Variants in HCRTR2 observed in about 807,000 individuals in gnomAD.
HCRTR2 encodes hypocretin receptor 2.
HCRTR2 carries 22 observed loss-of-function variants against 49.0 expected under a neutral mutation model. That is an observed-to-expected ratio of 0.45 (90% confidence interval 0.32 to 0.64). The LOEUF (loss-of-function observed/expected upper bound fraction) is 0.64, where lower values mean the gene tolerates loss of function less well. HCRTR2 is among the 30% of genes least tolerant of loss of function. HCRTR2 has a pLI of 0.04. For synonymous variants in HCRTR2, 236 were observed against 205.3 expected (o/e 1.15, Z -1.28); for missense variants, 491 against 559.4 (o/e 0.88, Z 1.23).
At chr6:55,226,466 G>C (rs9382468) in intron 1 of HCRTR2, among the ~76,000 whole-genome samples, 31,146 of 151,972 alleles carry the variant, frequency 0.2, 3,318 homozygotes, top group Non-Finnish European at 0.24. Context: ...GCACCACCAC[G>C]CCTGGCTAAT....
chr6:55,276,374 G>A (rs1767077015), intron 4 of HCRTR2, among the ~76,000 whole-genome samples: 1 of 152,126 alleles, frequency 6.6e-6, no homozygotes, highest in Admixed American at 6.5e-5. Flanking sequence ...CTTTGATCTG[G>A]TGGTGTAAAA....
intron 4 of HCRTR2, among the ~76,000 whole-genome samples, chr6:55,275,775 T>A (rs1477897649): frequency 1.3e-5 from 2 of 152,058 alleles, no homozygotes; most frequent in Admixed American, 6.6e-5. Context: ...CACGCCCAGC[T>A]AATTTTGTAT....
intron 1 of HCRTR2, among the ~76,000 whole-genome samples, chr6:55,124,166 G>A (rs1050182905): frequency 6.6e-5 from 10 of 152,088 alleles, no homozygotes; most frequent in African/African-American, 2.4e-4. Context: ...GCTTTTGAAT[G>A]TGTTTGCTGC....
At chr6:55,247,581 A>G (rs1160353282) in intron 1 of HCRTR2, among the ~76,000 whole-genome samples, 1 of 152,142 alleles carries the variant, frequency 6.6e-6, no homozygotes, top group Admixed American at 6.6e-5. Flanking sequence ...AGTAACTTTC[A>G]GTGAAGCAAA....
intron 1 of HCRTR2, among the ~76,000 whole-genome samples, chr6:55,246,433 A>C (rs1386327896): frequency 6.6e-6 from 1 of 151,992 alleles, no homozygotes. Flanking sequence ...GCAGGTTTTA[A>C]ATTACCTGGT....
At chr6:55,114,815 A>G (rs184031741) in intron 1 of HCRTR2, among the ~76,000 whole-genome samples, 11 of 151,940 alleles carry the variant, frequency 7.2e-5, no homozygotes, top group Admixed American at 6.6e-4. Context: ...TAATACAGAA[A>G]CATAGTGCCT....
chr6:55,255,125 C>T lies in HCRTR2; in HGVS notation c.403-11C>T, dbSNP rs1766624806. 8 of 1,613,574 alleles carry T rather than the reference C, an allele frequency of 5.0e-6. No individual in the cohort carries two copies. Among genetic ancestry groups the T allele is most frequent in the Middle Eastern group, 1.7e-4 (1 of 6,044 alleles). On this transcript the variant is annotated splice_polypyrimidine_tract_variant and intron_variant, in intron 2 of 6. Coordinates refer to ENST00000370862, the MANE Select transcript of HCRTR2 (RefSeq NM_001384272.1). Reference sequence around the variant, plus strand: ...GTGCTTCTCTATTACTATGATCTTTCTTTTCTCTAGACCGTGTCGGTGTCT... The same window carrying T: ...GTGCTTCTCTATTACTATGATCTTTTTTTTCTCTAGACCGTGTCGGTGTCT...
At chr6:55,150,452 T>C (rs2127257702) in intron 1 of HCRTR2, among the ~76,000 whole-genome samples, 1 of 152,056 alleles carries the variant, frequency 6.6e-6, no homozygotes, top group South Asian at 2.1e-4. Context: ...AACCTACTCA[T>C]CTTCTATAAC....
intron 4 of HCRTR2, among the ~76,000 whole-genome samples, chr6:55,272,545 A>G (rs992934393): frequency 2.6e-5 from 4 of 152,068 alleles, no homozygotes; most frequent in African/African-American, 9.7e-5. Flanking sequence ...GTTTTCTTTT[A>G]AAAAGAAAGA....
intron 5 of HCRTR2, among the ~76,000 whole-genome samples, chr6:55,278,078 A>C (rs1767114093): frequency 6.6e-6 from 1 of 152,226 alleles, no homozygotes; most frequent in Admixed American, 6.5e-5. Context: ...ACTTTTTAAA[A>C]AAAGCCATCA....
upstream of HCRTR2, among the ~76,000 whole-genome samples, chr6:55,170,598 T>TA (rs1561994174): frequency 6.6e-6 from 1 of 151,756 alleles, no homozygotes; most frequent in Non-Finnish European, 1.5e-5. Flanking sequence ...TTTATTTTTA[T>TA]TATACTTTAA....
chr6:55,130,431 A>C (rs562107022), intron 1 of HCRTR2, among the ~76,000 whole-genome samples: 38 of 151,018 alleles, frequency 2.5e-4, no homozygotes, highest in African/African-American at 9.0e-4. Context: ...AAAGTAATCC[A>C]ACCAGTTTCT....
chr6:55,162,474 G>A (rs1335629221), intron 1 of HCRTR2, among the ~76,000 whole-genome samples: 1 of 152,158 alleles, frequency 6.6e-6, no homozygotes, highest in African/African-American at 2.4e-5. Flanking sequence ...CATAGTGTTG[G>A]AAGTTCTGGC....
intron 1 of HCRTR2, among the ~76,000 whole-genome samples, chr6:55,153,867 A>G (rs1764695397): frequency 6.6e-6 from 1 of 151,878 alleles, no homozygotes; most frequent in East Asian, 1.9e-4. Context: ...TACTTTTTTG[A>G]AAAGACAAAC....
At chr6:55,168,627 G>A (rs144816590) in intron 1 of HCRTR2, among the ~76,000 whole-genome samples, 8 of 152,100 alleles carry the variant, frequency 5.3e-5, no homozygotes, top group East Asian at 1.9e-4. Context: ...GTGCAGTGGC[G>A]TGACCACAGC....
chr6:55,273,235 AG>A (rs1254984731), intron 4 of HCRTR2, among the ~76,000 whole-genome samples: 1 of 152,012 alleles, frequency 6.6e-6, no homozygotes, highest in Non-Finnish European at 1.5e-5. Flanking sequence ...CCTGCTGAAC[AG>A]GGAAATGTAA....
At chr6:55,274,954 A>G (rs12110421) in intron 4 of HCRTR2, among the ~76,000 whole-genome samples, 4,126 of 152,226 alleles carry the variant, frequency 0.027, 205 homozygotes, top group African/African-American at 0.092. Flanking sequence ...TAATGGACCT[A>G]TCTGGGCCTG....
At chr6:55,199,202 T>C (rs1765468142) in intron 1 of HCRTR2, among the ~76,000 whole-genome samples, 1 of 151,982 alleles carries the variant, frequency 6.6e-6, no homozygotes, top group Non-Finnish European at 1.5e-5. Context: ...GAGGAAGAAT[T>C]TTCCTTTATG....
intron 1 of HCRTR2, among the ~76,000 whole-genome samples, chr6:55,152,907 G>T (rs1290143713): frequency 6.6e-6 from 1 of 151,870 alleles, no homozygotes; most frequent in Non-Finnish European, 1.5e-5. Context: ...AACCCCAATT[G>T]TCTATTTTTG....
Sources: allele counts gnomAD v4.1 joint callset (sites outside exome capture counted in the v4.1 genomes callset), GRCh38; gene constraint gnomAD v4.1.1; transcripts MANE v1.5; gene names NCBI Gene and HGNC (gene_info 2026-07-23, HGNC 2026-07-21).